The following AP3S1 variants were observed in gnomAD, a reference collection of about 807,000 sequenced individuals.
AP3S1 encodes the protein AP-3 complex subunit sigma-1.
A neutral mutation model predicts 21.3 loss-of-function variants in AP3S1; 12 were observed. That is an observed-to-expected ratio of 0.56 (90% CI 0.36 to 0.91). The LOEUF is 0.91. AP3S1 is among the 40% of genes least tolerant of loss of function. The probability of loss-of-function intolerance (pLI) is 0.01; values close to 1 mark genes in which losing one functional copy is unlikely to be tolerated. For synonymous variants in AP3S1, 48 were observed against 78.4 expected, an observed-to-expected ratio of 0.61 and a Z score of 2.05; for missense variants, 116 against 225.0, an observed-to-expected ratio of 0.52 and a Z score of 3.10.
At chr5:115,875,141 GT>G (rs200081867) in intron 3 of AP3S1, among the ~76,000 whole-genome samples, 7 of 151,324 alleles carry the variant, frequency 4.6e-5, no homozygotes, top group African/African-American at 7.3e-5. Context: ...AAGTAAATAT[GT>G]TTTTTTTTAA....
In AP3S1 at chr5:115,904,140, A is replaced by G. The variant is rs1479729454; in HGVS notation, c.453+1148A>G. 7 of 152,062 alleles carry G rather than the reference A, an allele frequency of 4.6e-5. 1 individual carries two copies. In the South Asian group the frequency reaches 1.2e-3, roughly 27 times the overall value. The allele number at this position is 152,062 out of a possible 1,614,324, so 9.4% of individuals were successfully genotyped here. A position where few individuals can be genotyped will look rare whatever the true frequency, so the allele number is the denominator to read the frequency against. ...TTCACCACCCAACTTGTTTGAGGAT[A>G]CTCTTACATTTGGTATTTGCAGTCA... On this transcript the variant is annotated intron_variant, in intron 5 of 5. Coordinates refer to ENST00000316788, the MANE Select transcript of AP3S1 (RefSeq NM_001284.4).
At chr5:115,860,673 A>G (rs1371699413) in intron 1 of AP3S1, among the ~76,000 whole-genome samples, 1 of 152,196 alleles carries the variant, frequency 6.6e-6, no homozygotes. Context: ...AAATTTTCTG[A>G]GAATACTTTA....
chr5:115,868,945 GGAAGGA>G (rs1747959592), intron 2 of AP3S1, among the ~76,000 whole-genome samples: 1 of 58,286 alleles, frequency 1.7e-5, no homozygotes, highest in Non-Finnish European at 3.8e-5. Context: ...AGGGAAGGAA[GGAAGGA>G]AGGGAGGGAG....
chr5:115,868,829 C>G (rs762835955), intron 2 of AP3S1, among the ~76,000 whole-genome samples: 7 of 151,146 alleles, frequency 4.6e-5, no homozygotes, highest in African/African-American at 1.2e-4. Flanking sequence ...CTGCAGTGAG[C>G]TGAGATAGCA....
intron 5 of AP3S1, among the ~76,000 whole-genome samples, chr5:115,909,371 A>T (rs1751918197): frequency 6.6e-6 from 1 of 152,192 alleles, no homozygotes; most frequent in South Asian, 2.1e-4. Flanking sequence ...AAGTGCTTGA[A>T]ATTTCCAAGA....
Position 115,886,286 on chromosome 5 carries a change from TAC to T in AP3S1, c.274-8797_274-8796del, listed in dbSNP as rs372694921. 2.5e-3 allele frequency among the ~76,000 whole-genome samples: 386 copies of T among 152,246 alleles called. 3 individuals carry two copies. The highest frequency in any genetic ancestry group is 8.8e-3 in the African/African-American group (364 of 41,542). ...GGTTTGAACTGTGTGGGTCAACTTA[TAC>T]ACAGATTTTTTAAGATAAAGATTAC... On this transcript the variant is annotated intron_variant, in intron 3 of 5. Coordinates refer to ENST00000316788, the MANE Select transcript of AP3S1 (RefSeq NM_001284.4).
chr5:115,847,459 A>G (rs1317861822), intron 1 of AP3S1, among the ~76,000 whole-genome samples: 1 of 152,176 alleles, frequency 6.6e-6, no homozygotes, highest in Non-Finnish European at 1.5e-5. Flanking sequence ...CTCTATGCCA[A>G]AAATACAAAA....
chr5:115,892,452 A>G (rs966532969), intron 3 of AP3S1, among the ~76,000 whole-genome samples: 1 of 152,238 alleles, frequency 6.6e-6, no homozygotes, highest in Admixed American at 6.5e-5. Context: ...AATGTGGTAC[A>G]TATACACAAT....
chr5:115,877,162 T>C (rs1748795855), intron 3 of AP3S1, among the ~76,000 whole-genome samples: 1 of 152,126 alleles, frequency 6.6e-6, no homozygotes, highest in South Asian at 2.1e-4. Flanking sequence ...GTTGAAATTC[T>C]CCTGTGAGGA....
intron 1 of AP3S1, among the ~76,000 whole-genome samples, chr5:115,844,001 G>T (rs1188677035): frequency 1.3e-5 from 2 of 152,070 alleles, no homozygotes; most frequent in Non-Finnish European, 2.9e-5. Context: ...GATATAAAAA[G>T]AAGAATCTGG....
chr5:115,902,862 A>G (rs1232280234), intron 4 of AP3S1, 23 bp from the exon 5 acceptor site: 2 of 1,506,246 alleles, frequency 1.3e-6, no homozygotes, highest in African/African-American at 1.4e-5. Flanking sequence ...CTTTATGGGT[A>G]TATATTCTTT....
chr5:115,876,135 A>G lies in AP3S1; in HGVS notation c.273+6007A>G, dbSNP rs540132654. Reference sequence around the variant, plus strand: ...ACATAACAGTTATATAACTTTAGGCAATTACTTAACCTCATCTGTCCCCAG... The same window carrying G: ...ACATAACAGTTATATAACTTTAGGCGATTACTTAACCTCATCTGTCCCCAG... On this transcript the variant is annotated intron_variant, in intron 3 of 5. Transcript: ENST00000316788. Among the ~76,000 whole-genome samples, 4 of 152,284 alleles carry G rather than the reference A, an allele frequency of 2.6e-5. No individual in the cohort carries two copies. In the South Asian group the frequency reaches 8.3e-4, roughly 32 times the overall value.
chr5:115,907,811 A>G (rs557633202), intron 5 of AP3S1, among the ~76,000 whole-genome samples: 3 of 152,276 alleles, frequency 2.0e-5, no homozygotes, highest in Middle Eastern at 6.8e-3. Context: ...AACTGTGTGA[A>G]TTACTTTTTT....
intron 5 of AP3S1, among the ~76,000 whole-genome samples, chr5:115,906,155 C>G (rs1052426730): frequency 2.6e-5 from 4 of 152,070 alleles, no homozygotes; most frequent in African/African-American, 9.7e-5. Context: ...AAGACTCCGT[C>G]TCAAAAACAA....
chr5:115,904,219 C>T (rs1257055466), intron 5 of AP3S1: 4 of 152,184 alleles, frequency 2.6e-5, no homozygotes, highest in Admixed American at 2.0e-4. Context: ...GTGTTAAGCT[C>T]AGATGTTTCG....
intron 1 of AP3S1, among the ~76,000 whole-genome samples, chr5:115,846,114 A>G (rs1356335086): frequency 6.6e-6 from 1 of 152,140 alleles, no homozygotes; most frequent in African/African-American, 2.4e-5. Context: ...ATAGCTATCA[A>G]ACAAAAAAAT....
chr5:115,842,524 CG>C (rs1761684375), intron 1 of AP3S1: 1 of 158,160 alleles, frequency 6.3e-6, no homozygotes, highest in Non-Finnish European at 1.3e-5. Context: ...AGGAGGAAGA[CG>C]GCGTGGAACT....
intron 1 of AP3S1, among the ~76,000 whole-genome samples, chr5:115,849,827 G>A (rs1231398097): frequency 6.6e-6 from 1 of 151,980 alleles, no homozygotes; most frequent in Admixed American, 6.6e-5. Context: ...GGAGGGTAAG[G>A]TGGGAGGATT....
At chr5:115,858,493 TGGTC>T (rs1255950948) in intron 1 of AP3S1, among the ~76,000 whole-genome samples, 1 of 152,194 alleles carries the variant, frequency 6.6e-6, no homozygotes, top group African/African-American at 2.4e-5. Flanking sequence ...CCCTTGCCAT[TGGTC>T]TGTTTTCATT....
Sources: allele counts gnomAD v4.1 joint callset (sites outside exome capture counted in the v4.1 genomes callset), GRCh38; gene constraint gnomAD v4.1.1; transcripts MANE v1.5; gene names NCBI Gene and HGNC (gene_info 2026-07-23, HGNC 2026-07-21).